ICE1: variants seen among roughly 807,000 people sequenced by gnomAD.
The protein encoded by ICE1 is interactor of little elongation complex ELL subunit 1.
ICE1 carries 64 observed loss-of-function variants against 192.7 expected under a neutral mutation model. The ratio of observed to expected loss-of-function variants is 0.33; its 90% confidence interval spans 0.27 to 0.41. ICE1 has a LOEUF of 0.41. Among genes scored for constraint, ICE1 ranks in the 10% least tolerant of loss-of-function variants. The probability of loss-of-function intolerance (pLI) is 1.00; values close to 1 mark genes in which losing one functional copy is unlikely to be tolerated. For synonymous variants in ICE1, 1,010 were observed against 984.5 expected, an observed-to-expected ratio of 1.03 and a Z score of -0.49; for missense variants, 2,708 against 2,696.0, an observed-to-expected ratio of 1.00 and a Z score of -0.10.
intron 1 of ICE1, among the ~76,000 whole-genome samples, chr5:5,424,825 G>C (rs1737475493): frequency 6.6e-6 from 1 of 152,188 alleles, no homozygotes; most frequent in Admixed American, 6.5e-5. Flanking sequence ...AGCTGGCTTG[G>C]TGTGCTTGGG....
chr5:5,472,800 G>A (rs1739198257), intron 15 of ICE1, among the ~76,000 whole-genome samples: 1 of 152,130 alleles, frequency 6.6e-6, no homozygotes, highest in Non-Finnish European at 1.5e-5. Flanking sequence ...CTCATGCAGT[G>A]CTGGTGGAAA....
intron 11 of ICE1, among the ~76,000 whole-genome samples, chr5:5,457,054 G>A (rs1206387629): frequency 1.3e-5 from 2 of 152,060 alleles, no homozygotes; most frequent in African/African-American, 2.4e-5. Flanking sequence ...CGTTTTCATG[G>A]CTGTGGATGC....
At chr5:5,440,681 CT>C (rs1462765750) in intron 4 of ICE1, among the ~76,000 whole-genome samples, 1 of 151,974 alleles carries the variant, frequency 6.6e-6, no homozygotes, top group Non-Finnish European at 1.5e-5. Context: ...AATTAGCCAG[CT>C]GTGGTGGCAC....
chr5:5,482,800 A>ACACACACACACG (rs1739542059), intron 17 of ICE1, among the ~76,000 whole-genome samples: 1 of 151,446 alleles, frequency 6.6e-6, no homozygotes. Context: ...ACACACACAC[A>ACACACACACACG]CACACACACA....
At chr5:5,488,897 A>G (rs1295597321) in intron 18 of ICE1, among the ~76,000 whole-genome samples, 1 of 152,134 alleles carries the variant, frequency 6.6e-6, no homozygotes, top group Non-Finnish European at 1.5e-5. Context: ...TCTCCTTTTT[A>G]AAAACACACA....
chr5:5,465,325 A>C (rs1468674025), intron 13 of ICE1, 99 bp downstream of exon 13: 7 of 781,788 alleles, frequency 9.0e-6, no homozygotes, highest in Non-Finnish European at 1.4e-5. Context: ...CATGAACAAA[A>C]GTTTTACTTC....
At chr5:5,439,959 G>A (rs1203016190) in intron 4 of ICE1, 46 bp downstream of exon 4, 3 of 1,369,800 alleles carry the variant, frequency 2.2e-6, no homozygotes, top group Non-Finnish European at 3.0e-6. Context: ...TATATGAGTA[G>A]TTGATCTGAG....
intron 8 of ICE1, 100 bp from the exon 9 acceptor site, chr5:5,447,621 C>T: frequency 7.3e-7 from 1 of 1,374,600 alleles, no homozygotes; most frequent in Non-Finnish European, 1.0e-6. Context: ...CTGGCAAAAA[C>T]AGTCCCAGCT....
At chr5:5,483,780 CTG>C (rs1739569909) in intron 17 of ICE1, among the ~76,000 whole-genome samples, 2 of 152,170 alleles carry the variant, frequency 1.3e-5, no homozygotes, top group Admixed American at 6.5e-5. Flanking sequence ...TAGAAAAACA[CTG>C]TGTCACATGT....
chr5:5,460,906 C>T lies in ICE1; in HGVS notation c.1572C>T (p.Ala524=). The change falls in exon 13 of 19, where the codon GCC becomes GCT. Residue 524 remains alanine (A), a synonymous_variant. Coordinates refer to ENST00000296564, the MANE Select transcript of ICE1 (RefSeq NM_015325.3). ...SASPAQEKEA[A]PGKSELCSSP... is the part of the protein sequence containing the mutation. ...GCCCTGCACAAGAGAAGGAAGCTGC[C>T]CCTGGGAAGTCTGAGTTGTGTTCTT... 1 of 1,613,934 alleles carries T rather than the reference C, an allele frequency of 6.2e-7. No homozygotes were observed. Among genetic ancestry groups the T allele is most frequent in the African/African-American group, 1.3e-5 (1 of 75,002 alleles).
chr5:5,432,899 A>T (rs1172472613), intron 1 of ICE1, among the ~76,000 whole-genome samples: 1 of 152,150 alleles, frequency 6.6e-6, no homozygotes, highest in Non-Finnish European at 1.5e-5. Context: ...TTCACACTGC[A>T]GGTCTGTCTC....
intron 1 of ICE1, among the ~76,000 whole-genome samples, chr5:5,434,240 T>C (rs148779550): frequency 3.5e-4 from 54 of 152,314 alleles, no homozygotes; most frequent in African/African-American, 1.2e-3. Context: ...GCAAATTTAA[T>C]TAACTAATTC....
At chr5:5,439,855 A>C in intron 3 of ICE1, 40 bp from the exon 4 acceptor site, 1 of 1,427,210 alleles carries the variant, frequency 7.0e-7, no homozygotes, top group Non-Finnish European at 9.5e-7. Context: ...GAGAAGTATC[A>C]GAAGATAAAA....
At chr5:5,429,210 G>T (rs1020153401) in intron 1 of ICE1, among the ~76,000 whole-genome samples, 1 of 152,226 alleles carries the variant, frequency 6.6e-6, no homozygotes, top group Middle Eastern at 3.4e-3. Context: ...TTTACTGGGG[G>T]CTGGTCTTGT....
chr5:5,423,035 G>T (rs1305632196), intron 1 of ICE1, 36 bp downstream of exon 1: 8 of 1,305,082 alleles, frequency 6.1e-6, no homozygotes, highest in Admixed American at 7.3e-5. Context: ...CGCGGGGGGG[G>T]ACTCGGCTCG....
Position 5,462,838 on chromosome 5 carries a change from T to C in ICE1, c.3504T>C (p.Asp1168=), listed in dbSNP as rs2111381168. The C allele has an allele frequency of 6.2e-7, 1 of 1,610,140 alleles. No individual in the cohort carries two copies. The highest frequency in any genetic ancestry group is 8.5e-7 in the Non-Finnish European group (1 of 1,177,940). ...DFNISTFSEL[D]RLSTSEVVMF... is the part of the protein sequence containing the mutation. ...ACATAAGTACTTTTTCTGAGCTGGA[T>C]AGACTTTCCACATCAGAGGTTGTGA... The change falls in exon 13 of 19, where the codon GAT becomes GAC. Residue 1168 remains aspartate (D), a synonymous_variant. Transcript: ENST00000296564.
rs188531499 is a variant in ICE1, at chr5:5,476,368, G to T, written c.6520+289G>T. On this transcript the variant is annotated intron_variant, in intron 17 of 18. Coordinates refer to ENST00000296564, the MANE Select transcript of ICE1 (RefSeq NM_015325.3). ...ACATAAAGACTAGGATATATAAGTCGCTATAAATTATACTGTAGTTTCATT... is the reference window on the plus strand; with the variant it reads ...ACATAAAGACTAGGATATATAAGTCTCTATAAATTATACTGTAGTTTCATT... Among the ~76,000 whole-genome samples the T allele has an allele frequency of 1.8e-4, 27 of 152,116 alleles. 1 individual carries two copies. Among genetic ancestry groups the T allele is most frequent in the African/African-American group, 6.5e-4 (27 of 41,508 alleles).
chr5:5,463,333 C>T lies in ICE1; in HGVS notation c.3999C>T (p.Ile1333=). 1 of 1,613,640 alleles carries T rather than the reference C, an allele frequency of 6.2e-7. No individual in the cohort carries two copies. Among genetic ancestry groups the T allele is most frequent in the Non-Finnish European group, 8.5e-7 (1 of 1,179,768 alleles). ...AALDTEGSSP[I]SGMPQNENPQ... ...TGGACACTGAGGGCAGCTCTCCCAT[C>T]AGCGGTATGCCTCAGAATGAAAACC... The change falls in exon 13 of 19, where the codon ATC becomes ATT. Residue 1333 remains isoleucine (I), a synonymous_variant. Transcript: ENST00000296564.
intron 17 of ICE1, among the ~76,000 whole-genome samples, chr5:5,480,362 G>T (rs1393408162): frequency 6.7e-6 from 1 of 148,628 alleles, no homozygotes; most frequent in African/African-American, 2.5e-5. Context: ...CCATTCTCCT[G>T]CCTCAGCTTC....
Sources: allele counts gnomAD v4.1 joint callset (sites outside exome capture counted in the v4.1 genomes callset), GRCh38; gene constraint gnomAD v4.1.1; transcripts MANE v1.5; gene names NCBI Gene and HGNC (gene_info 2026-07-23, HGNC 2026-07-21).